The following DDX1 variants were observed in gnomAD, a reference collection of about 807,000 sequenced individuals.
DDX1 encodes the protein ATP-dependent RNA helicase DDX1.
Under a neutral mutation model 108.7 loss-of-function variants are expected in DDX1, and 28 were observed. That is an observed-to-expected ratio of 0.26 (90% confidence interval 0.19 to 0.35). The LOEUF is 0.35. Ranked by LOEUF, DDX1 falls within the 10% of genes least tolerant of loss-of-function variation. The pLI is 1.00. For missense variants in DDX1, 710 were observed against 884.5 expected, an observed-to-expected ratio of 0.80 and a Z score of 2.50; for synonymous variants, 295 against 288.9, an observed-to-expected ratio of 1.02 and a Z score of -0.21.
chr2:15,628,867 C>A (rs769238385), intron 23 of DDX1, 28 bp downstream of exon 23: 3 of 1,591,378 alleles, frequency 1.9e-6, no homozygotes, highest in African/African-American at 1.3e-5. Context: ...CTATTATATT[C>A]ATTGTGTGTG....
chr2:15,613,672 A>G (rs908811512), intron 14 of DDX1, among the ~76,000 whole-genome samples: 2 of 152,098 alleles, frequency 1.3e-5, no homozygotes, highest in Admixed American at 1.3e-4. Context: ...GACTCTTGGG[A>G]AGGATGAATA....
intron 19 of DDX1, among the ~76,000 whole-genome samples, chr2:15,626,525 T>C (rs560002425): frequency 6.6e-6 from 1 of 152,270 alleles, no homozygotes; most frequent in African/African-American, 2.4e-5. Flanking sequence ...TGGCTACCAC[T>C]GCACTTGCCT....
intron 14 of DDX1, among the ~76,000 whole-genome samples, chr2:15,615,457 G>A (rs1394187536): frequency 6.6e-6 from 1 of 152,212 alleles, no homozygotes; most frequent in Non-Finnish European, 1.5e-5. Context: ...GCTGTGTACA[G>A]CACCTGTCTC....
Position 15,629,679 on chromosome 2 carries a change from A to G in DDX1, c.1953A>G (p.Ile651Met), listed in dbSNP as rs1573053513. The change falls in exon 24 of 26, where the codon ATA becomes ATG. Residue 651 changes from isoleucine to methionine, a missense_variant. Transcript: ENST00000233084. ...TRLKEDGGCT[I>M]WYNEMQLLSE... Reference sequence around the variant, plus strand: ...TCAAGGAAGATGGAGGCTGTACCATATGGTACAACGAGATGCAGGTAAGAC... The same window carrying G: ...TCAAGGAAGATGGAGGCTGTACCATGTGGTACAACGAGATGCAGGTAAGAC... 6.3e-7 allele frequency: 1 copy of G among 1,580,432 alleles called. No individual in the cohort carries two copies. Among genetic ancestry groups the G allele is most frequent in the Non-Finnish European group, 8.5e-7 (1 of 1,170,600 alleles).
chr2:15,621,323 TGA>T, intron 18 of DDX1: 1 of 504,464 alleles, frequency 2.0e-6, no homozygotes, highest in Non-Finnish European at 3.5e-6. Context: ...TTTAATTTTT[TGA>T]GACAGAGTCA....
At chr2:15,629,937 G>A (rs2302937) in intron 24 of DDX1, 53 bp from the exon 25 acceptor site, 263,127 of 1,495,452 alleles carry the variant, frequency 0.18, 26,512 homozygotes, top group African/African-American at 0.42. Flanking sequence ...ATGATAAAAT[G>A]CAACTCTTTC....
chr2:15,613,210 G>C lies in DDX1; in HGVS notation c.957-14G>C, dbSNP rs766699388. The C allele has an allele frequency of 6.5e-7, 1 of 1,547,976 alleles. No homozygotes were observed. On this transcript the variant is annotated splice_polypyrimidine_tract_variant and intron_variant, in intron 13 of 25. Transcript: ENST00000233084. ...TTTTTTTTTTTTATATTATCATCTT[G>C]ATATTTATTTCAGGGAGCTTCTGAT...
In DDX1 at chr2:15,624,534, GC is replaced by G. The variant is rs1374490184; in HGVS notation, c.1594+956del. ...AGAAGTGCCAAGCAAAGTAGGAAAA[GC>G]CCCTTATAAAACCATCAGATCTCAT... On this transcript the variant is annotated intron_variant, in intron 19 of 25. Transcript: ENST00000233084. 3.3e-5 allele frequency among the ~76,000 whole-genome samples: 5 copies of G among 152,242 alleles called. No homozygotes were observed. In the East Asian group the frequency reaches 9.7e-4, roughly 29 times the overall value.
At position 15,595,126 on chromosome 2, in the gene DDX1, A is replaced by G; in HGVS notation, c.17-19A>G. 6.3e-7 allele frequency: 1 copy of G among 1,593,250 alleles called. No individual in the cohort carries two copies. The highest frequency in any genetic ancestry group is 8.6e-7 in the Non-Finnish European group (1 of 1,168,916). On this transcript the variant is annotated intron_variant, in intron 1 of 25. Coordinates refer to ENST00000233084, the MANE Select transcript of DDX1 (RefSeq NM_004939.3). ...TCATTTCAGTTTATGTGGTTTTTAA[A>G]ATTAATTTTTACTTTCAGAGATGGG...
intron 13 of DDX1, among the ~76,000 whole-genome samples, chr2:15,611,504 G>A (rs1665756400): frequency 1.4e-5 from 2 of 142,518 alleles, no homozygotes; most frequent in South Asian, 2.4e-4. Context: ...GCGGCTGGCC[G>A]GGCAGGGGGC....
intron 4 of DDX1, 115 bp from the exon 5 acceptor site, chr2:15,597,260 T>C: frequency 1.5e-6 from 1 of 682,616 alleles, no homozygotes; most frequent in Non-Finnish European, 2.5e-6. Flanking sequence ...GTAGTAGCAA[T>C]CTGGAATATG....
rs1314823559 is a variant in DDX1 at position 15,611,658 on chromosome 2, C to A, written c.957-1566C>A. On this transcript the variant is annotated intron_variant, in intron 13 of 25. Transcript: ENST00000233084. ...GTGGCCGGGCAGAGGCACCCCCCAC[C>A]TCCCGGACGGGGCGGCTGGCCGGGC... Among the ~76,000 whole-genome samples, 7 of 117,726 alleles carry A rather than the reference C, an allele frequency of 5.9e-5. 1 individual carries two copies. The highest frequency in any genetic ancestry group is 2.6e-4 in the African/African-American group (6 of 23,036). The allele number at this position is 117,726 out of a possible 152,430, so 77.2% of individuals were successfully genotyped here. A position where few individuals can be genotyped will look rare whatever the true frequency, so the allele number is the denominator to read the frequency against.
At chr2:15,614,671 C>G (rs1665865111) in intron 14 of DDX1, among the ~76,000 whole-genome samples, 1 of 152,212 alleles carries the variant, frequency 6.6e-6, no homozygotes, top group Admixed American at 6.5e-5. Context: ...AGATGACCCT[C>G]ACTAGTTGCT....
At chr2:15,612,646 C>G (rs1001688221) in intron 13 of DDX1, among the ~76,000 whole-genome samples, 1 of 152,000 alleles carries the variant, frequency 6.6e-6, no homozygotes, top group African/African-American at 2.4e-5. Context: ...TTTGGGAGGC[C>G]AAGGCAGGCG....
rs1665603554 is a variant in DDX1, at chr2:15,602,537, C to T, written c.308-11C>T. Reference sequence around the variant, plus strand: ...CTGACGTGTTTTTCTGTGTTTTCTTCTCAAATCCAGCAATTGGGTCAGATG... The same window carrying T: ...CTGACGTGTTTTTCTGTGTTTTCTTTTCAAATCCAGCAATTGGGTCAGATG... On this transcript the variant is annotated splice_polypyrimidine_tract_variant and intron_variant, in intron 6 of 25. Coordinates refer to ENST00000233084, the MANE Select transcript of DDX1 (RefSeq NM_004939.3). 6.2e-7 allele frequency: 1 copy of T among 1,610,052 alleles called. No individual in the cohort carries two copies. The highest frequency in any genetic ancestry group is 1.3e-5 in the African/African-American group (1 of 74,800).
intron 25 of DDX1, 147 bp from the exon 26 acceptor site, chr2:15,630,629 A>T: frequency 1.3e-6 from 1 of 744,690 alleles, no homozygotes; most frequent in Non-Finnish European, 2.2e-6. Flanking sequence ...AACATTTTTT[A>T]AAGTCAAAGT....
At chr2:15,603,990 G>A in intron 9 of DDX1, 100 bp downstream of exon 9, 1 of 749,390 alleles carries the variant, frequency 1.3e-6, no homozygotes, top group Non-Finnish European at 2.1e-6. Context: ...TTCTCAAAAT[G>A]AGCAGATTTT....
At chr2:15,596,040 A>C (rs1665491904) in intron 3 of DDX1, among the ~76,000 whole-genome samples, 1 of 152,128 alleles carries the variant, frequency 6.6e-6, no homozygotes, top group Non-Finnish European at 1.5e-5. Flanking sequence ...ACACACCACC[A>C]CATCCAGCTA....
At chr2:15,603,692 G>A (rs6746074) in intron 8 of DDX1, 122 bp from the exon 9 acceptor site, 131,065 of 685,350 alleles carry the variant, frequency 0.19, 14,705 homozygotes, top group African/African-American at 0.42. Context: ...CAGAAACTTA[G>A]GGAATAGTTT....
Sources: allele counts gnomAD v4.1 joint callset (sites outside exome capture counted in the v4.1 genomes callset), GRCh38; gene constraint gnomAD v4.1.1; transcripts MANE v1.5; gene names NCBI Gene and HGNC (gene_info 2026-07-23, HGNC 2026-07-21).